PCDH11X: variants seen among roughly 807,000 people sequenced by gnomAD.
The protein encoded by PCDH11X is protocadherin 11 X-linked.
Under a neutral mutation model 53.3 loss-of-function variants are expected in PCDH11X, and 18 were observed. The observed-to-expected ratio is 0.34, with a 90% CI of 0.23 to 0.50. PCDH11X has a LOEUF of 0.50. Ranked by LOEUF, PCDH11X falls within the 20% of genes least tolerant of loss-of-function variation. The pLI is 0.98. For synonymous variants in PCDH11X, 279 were observed against 393.3 expected (o/e 0.71, Z 3.44); for missense variants, 570 against 1,032.4 (o/e 0.55, Z 6.14).
intron 9 of PCDH11X, among the ~76,000 whole-genome samples, chrX:92,427,759 A>T (rs1294867422): frequency 2.9e-5 from 2 of 70,014 alleles, no homozygotes; most frequent in Admixed American, 1.8e-4. Context: ...AAATTAGCTA[A>T]AAGTAGGACC....
intron 6 of PCDH11X, among the ~76,000 whole-genome samples, chrX:92,103,357 G>A (rs1375156592): frequency 9.0e-6 from 1 of 111,094 alleles, no homozygotes; most frequent in African/African-American, 3.3e-5. Flanking sequence ...GGAGGCAAGG[G>A]AAACAGACCC....
At chrX:91,810,650 A>G (rs1224626422) in intron 3 of PCDH11X, 72 bp downstream of exon 3, 3 of 112,033 alleles carry the variant, frequency 2.7e-5, no homozygotes, top group Non-Finnish European at 5.6e-5. Context: ...ATTGATAACA[A>G]GAGGCATTAT....
At chrX:92,535,141 C>T (rs1232880886) in intron 10 of PCDH11X, among the ~76,000 whole-genome samples, 1 of 112,129 alleles carries the variant, frequency 8.9e-6, no homozygotes, top group Non-Finnish European at 1.9e-5. Context: ...AAAAGCAGAA[C>T]TATCATTCAA....
intron 6 of PCDH11X, among the ~76,000 whole-genome samples, chrX:92,050,420 A>T (rs1472138582): frequency 1.8e-5 from 2 of 109,666 alleles, no homozygotes; most frequent in Non-Finnish European, 3.8e-5. Context: ...GCATGTTTTG[A>T]TGCTGTTCAT....
chrX:92,419,132 T>A (rs2071888608), intron 9 of PCDH11X, among the ~76,000 whole-genome samples: 1 of 106,572 alleles, frequency 9.4e-6, no homozygotes, highest in Admixed American at 1.0e-4. Context: ...AAAATTTCAC[T>A]CCATATCCGT....
chrX:92,272,137 C>G (rs755862785), intron 8 of PCDH11X, among the ~76,000 whole-genome samples: 1 of 111,408 alleles, frequency 9.0e-6, no homozygotes, highest in South Asian at 3.8e-4. Context: ...CTTTTTTTAT[C>G]AAGGGCATTT....
chrX:91,999,668 T>A (rs2062476856), intron 6 of PCDH11X, among the ~76,000 whole-genome samples: 1 of 109,911 alleles, frequency 9.1e-6, no homozygotes, highest in African/African-American at 3.3e-5. Context: ...AATAAACATA[T>A]AACACTGGCT....
intron 6 of PCDH11X, among the ~76,000 whole-genome samples, chrX:92,134,690 A>G (rs1603020683): frequency 9.0e-6 from 1 of 111,160 alleles, no homozygotes; most frequent in South Asian, 3.8e-4. Context: ...TCTTGATTAT[A>G]TGCTAAACAA....
intron 7 of PCDH11X, among the ~76,000 whole-genome samples, chrX:92,207,417 C>T (rs2066494554): frequency 9.0e-6 from 1 of 111,586 alleles, no homozygotes; most frequent in Non-Finnish European, 1.9e-5. Flanking sequence ...CATGAGTTAG[C>T]AAGCCTAAAA....
At chrX:91,893,134 C>T (rs990219173) in intron 6 of PCDH11X, among the ~76,000 whole-genome samples, 2 of 109,875 alleles carry the variant, frequency 1.8e-5, no homozygotes, top group Non-Finnish European at 3.8e-5. Flanking sequence ...GGTCATATAA[C>T]CTGTAAACAT....
chrX:92,488,699 G>T (rs764736231), intron 10 of PCDH11X, among the ~76,000 whole-genome samples: 1 of 105,935 alleles, frequency 9.4e-6, no homozygotes, highest in Non-Finnish European at 1.9e-5. Context: ...AATCTGGCCT[G>T]CAGAAAAAGC....
chrX:92,229,792 T>C (rs1333487897), intron 7 of PCDH11X, among the ~76,000 whole-genome samples: 1 of 111,333 alleles, frequency 9.0e-6, no homozygotes, highest in African/African-American at 3.3e-5. Flanking sequence ...GTAAATTTAT[T>C]TACTTCTGGA....
At chrX:92,077,620 GGGAGGAAGGA>G (rs2063794371) in intron 6 of PCDH11X, among the ~76,000 whole-genome samples, 1 of 71,233 alleles carries the variant, frequency 1.4e-5, no homozygotes, top group Non-Finnish European at 2.7e-5. Flanking sequence ...AAGGAAGGAA[GGGAGGAAGGA>G]AGGAAGGAAG....
intron 6 of PCDH11X, among the ~76,000 whole-genome samples, chrX:92,052,621 C>T (rs1471010330): frequency 7.2e-5 from 5 of 69,074 alleles, no homozygotes; most frequent in African/African-American, 2.8e-4. Context: ...ACCTTGCAGA[C>T]ACAAACATTC....
At chrX:92,550,821 A>C (rs1325288911) in intron 10 of PCDH11X, among the ~76,000 whole-genome samples, 1 of 108,986 alleles carries the variant, frequency 9.2e-6, no homozygotes, top group Non-Finnish European at 1.9e-5. Flanking sequence ...TCCCACAAAT[A>C]AGTTAGAACA....
intron 6 of PCDH11X, among the ~76,000 whole-genome samples, chrX:92,111,488 A>C (rs912129819): frequency 1.5e-4 from 14 of 93,554 alleles, no homozygotes; most frequent in African/African-American, 7.0e-4. Flanking sequence ...AATTTCCTCA[A>C]ATTAATATTT....
intron 7 of PCDH11X, among the ~76,000 whole-genome samples, chrX:92,232,993 G>A (rs2067108661): frequency 8.9e-6 from 1 of 111,932 alleles, no homozygotes; most frequent in Non-Finnish European, 1.9e-5. Context: ...GGGATTACAG[G>A]CGTGAGCCAC....
chrX:91,953,683 C>T (rs2061671848), intron 6 of PCDH11X, among the ~76,000 whole-genome samples: 1 of 110,013 alleles, frequency 9.1e-6, no homozygotes, highest in Non-Finnish European at 1.9e-5. Context: ...AGTACTATAT[C>T]CATGTATGCA....
intron 6 of PCDH11X, among the ~76,000 whole-genome samples, chrX:92,019,433 C>G (rs898013255): frequency 2.7e-5 from 3 of 110,862 alleles, no homozygotes; most frequent in Non-Finnish European, 5.7e-5. Flanking sequence ...CACCACATGG[C>G]ATATACTCTA....
Sources: gnomAD v4.1 joint callset for allele counts (sites outside exome capture counted in the v4.1 genomes callset) on GRCh38, gnomAD v4.1.1 for gene constraint, MANE v1.5 for transcripts, NCBI Gene and HGNC (gene_info 2026-07-23, HGNC 2026-07-21) for gene names.